UBE2K: variants seen among roughly 807,000 people sequenced by gnomAD.
UBE2K encodes the protein ubiquitin conjugating enzyme E2 K.
Under a neutral mutation model 30.0 loss-of-function variants are expected in UBE2K, and 6 were observed. That is an observed-to-expected ratio of 0.20 (90% CI 0.11 to 0.39). The LOEUF is 0.39. Ranked by LOEUF, UBE2K falls within the 10% of genes least tolerant of loss-of-function variation. The pLI is 1.00. For missense variants in UBE2K, 61 were observed against 241.6 expected (o/e 0.25, Z 4.96); for synonymous variants, 86 against 83.7 (o/e 1.03, Z -0.15).
chr4:39,733,491 C>G (rs1048456194), intron 1 of UBE2K, among the ~76,000 whole-genome samples: 12 of 151,978 alleles, frequency 7.9e-5, no homozygotes, highest in African/African-American at 2.9e-4. Context: ...TGTCAGCACA[C>G]CTGGCTAATT....
At chr4:39,703,349 T>C (rs1303381804) in intron 1 of UBE2K, among the ~76,000 whole-genome samples, 1 of 151,826 alleles carries the variant, frequency 6.6e-6, no homozygotes, top group Non-Finnish European at 1.5e-5. Context: ...TTGTTACTAC[T>C]AACATTTAAA....
intron 3 of UBE2K, among the ~76,000 whole-genome samples, chr4:39,746,155 G>C (rs945842401): frequency 6.6e-6 from 1 of 152,094 alleles, no homozygotes. Context: ...AAAGAAGTAT[G>C]TGTTTTAGGA....
rs556212270 is a variant in UBE2K at position 39,746,082 on chromosome 4, C to T, written c.216+272C>T. Among the ~76,000 whole-genome samples, 12 of 152,012 alleles carry T rather than the reference C, an allele frequency of 7.9e-5. No homozygotes were observed. The East Asian group carries it at 1.7e-3, about 22-fold the overall frequency. ...GGCTCATATACTAGATCTAGAAATA[C>T]GTGGCAGTGTTCCCAAATTTAGAGA... On this transcript the variant is annotated intron_variant, in intron 3 of 6. Coordinates refer to ENST00000261427, the MANE Select transcript of UBE2K (RefSeq NM_005339.5).
chr4:39,743,039 G>C (rs944671806), intron 2 of UBE2K, among the ~76,000 whole-genome samples: 2 of 146,972 alleles, frequency 1.4e-5, no homozygotes, highest in African/African-American at 2.5e-5. Context: ...GAACGACCCT[G>C]TCTCAGGAAA....
intron 2 of UBE2K, among the ~76,000 whole-genome samples, chr4:39,740,341 T>A (rs1029595760): frequency 3.3e-5 from 5 of 152,094 alleles, no homozygotes; most frequent in Non-Finnish European, 5.9e-5. Context: ...ATTAATTTTT[T>A]TAATTGGATA....
chr4:39,762,187 T>TAATAAG (rs1366031503), intron 4 of UBE2K, among the ~76,000 whole-genome samples: 1 of 148,146 alleles, frequency 6.8e-6, no homozygotes, highest in Non-Finnish European at 1.5e-5. Context: ...CTCAGTAAAA[T>TAATAAG]AATAATAATA....
At chr4:39,708,038 A>G (rs963901086) in intron 1 of UBE2K, among the ~76,000 whole-genome samples, 3 of 151,848 alleles carry the variant, frequency 2.0e-5, no homozygotes, top group Admixed American at 1.3e-4. Context: ...CTGGGATTAC[A>G]GGCATGCACC....
intron 1 of UBE2K, among the ~76,000 whole-genome samples, chr4:39,705,038 TG>T (rs796808238): frequency 5.5e-4 from 82 of 149,346 alleles, no homozygotes; most frequent in African/African-American, 1.7e-3. Flanking sequence ...GCATGGCTAA[TG>T]TTTTTTTTTG....
intron 4 of UBE2K, among the ~76,000 whole-genome samples, chr4:39,756,177 G>A (rs1721507552): frequency 6.6e-6 from 1 of 152,214 alleles, no homozygotes; most frequent in African/African-American, 2.4e-5. Context: ...ACCTTTGTAG[G>A]TGATGTCTTC....
At chr4:39,760,199 A>ACAGAAG (rs1711829364) in intron 4 of UBE2K, among the ~76,000 whole-genome samples, 1 of 148,754 alleles carries the variant, frequency 6.7e-6, no homozygotes, top group African/African-American at 2.5e-5. Flanking sequence ...AAAACAGAAA[A>ACAGAAG]AAAAAAAAAA....
intron 3 of UBE2K, 128 bp from the exon 4 acceptor site, chr4:39,755,529 C>G (rs1019470203): frequency 3.1e-6 from 2 of 652,794 alleles, no homozygotes; most frequent in East Asian, 2.9e-5. Flanking sequence ...CTTCTTTCAC[C>G]TAGGCAAAAT....
rs568570344 is a variant in UBE2K at position 39,733,997 on chromosome 4, AATT to A, written c.64-3422_64-3420del. ...ATTAAACTGTGGTGGTATAAAGAAT[AATT>A]GTTGCTTGATGGAAAATTGAGCTGT... On this transcript the variant is annotated intron_variant, in intron 1 of 6. Transcript: ENST00000261427. Among the ~76,000 whole-genome samples the A allele has an allele frequency of 7.6e-3, 1,160 of 152,254 alleles. 10 individuals carry two copies. The highest frequency in any genetic ancestry group is 0.02 in the Middle Eastern group (6 of 294).
rs1718408432 is a variant in UBE2K, at chr4:39,707,102, A to G, written c.63+8712A>G. 4.6e-5 allele frequency among the ~76,000 whole-genome samples: 7 copies of G among 151,356 alleles called. 1 individual carries two copies. In the South Asian group the frequency reaches 1.5e-3, roughly 32 times the overall value. On this transcript the variant is annotated intron_variant, in intron 1 of 6. Coordinates refer to ENST00000261427, the MANE Select transcript of UBE2K (RefSeq NM_005339.5). ...TTTTTGTATTTTTAGTAGAGACTGG[A>G]TTTCACCATGTTGACCAGGCTGGTC...
intron 1 of UBE2K, among the ~76,000 whole-genome samples, chr4:39,724,659 C>T (rs1282417082): frequency 4.1e-5 from 6 of 146,430 alleles, no homozygotes; most frequent in African/African-American, 1.5e-4. Context: ...GGCCCAGCTA[C>T]TTGGGGGGGC....
chr4:39,736,064 G>A lies in UBE2K; in HGVS notation c.64-1356G>A, dbSNP rs770427081. Among the ~76,000 whole-genome samples the A allele has an allele frequency of 3.3e-5, 5 of 151,318 alleles. 1 individual carries two copies. Among genetic ancestry groups the A allele is most frequent in the Non-Finnish European group, 7.4e-5 (5 of 67,934 alleles). On this transcript the variant is annotated intron_variant, in intron 1 of 6. Transcript: ENST00000261427. ...AGCCAAAGACAGTAATTCTTACACT[G>A]TTTCATCTAGTAATCAAGTTTAAGA...
At chr4:39,733,245 A>C (rs73240674) in intron 1 of UBE2K, among the ~76,000 whole-genome samples, 15,837 of 150,654 alleles carry the variant, frequency 0.11, 1,096 homozygotes, top group East Asian at 0.22. Flanking sequence ...ATAACACATT[A>C]TTTTATTATT....
chr4:39,765,938 TAC>T (rs1231753943), intron 4 of UBE2K, among the ~76,000 whole-genome samples: 30 of 149,382 alleles, frequency 2.0e-4, no homozygotes, highest in Non-Finnish European at 3.7e-4. Context: ...CATACATACA[TAC>T]ACACACACAC....
Position 39,755,768 on chromosome 4 carries a change from C to T in UBE2K, c.299+29C>T, listed in dbSNP as rs774972143. 1.2e-5 allele frequency: 18 copies of T among 1,486,680 alleles called. 1 individual carries two copies. In the South Asian group the frequency reaches 2.0e-4, roughly 17 times the overall value. The allele number at this position is 1,486,680 out of a possible 1,614,324, so 92.1% of individuals were successfully genotyped here. ...AGAGATTTTGAATTCACCTTCTCTC[C>T]TTCTCATATGAATACCAAGACTGTA... On this transcript the variant is annotated intron_variant, in intron 4 of 6. Coordinates refer to ENST00000261427, the MANE Select transcript of UBE2K (RefSeq NM_005339.5).
chr4:39,767,153 A>G (rs1445355411), intron 4 of UBE2K, among the ~76,000 whole-genome samples: 1 of 152,156 alleles, frequency 6.6e-6, no homozygotes, highest in East Asian at 1.9e-4. Flanking sequence ...TGCCAAATTC[A>G]GTGTCATGAA....
Sources: gnomAD v4.1 joint callset for allele counts (sites outside exome capture counted in the v4.1 genomes callset) on GRCh38, gnomAD v4.1.1 for gene constraint, MANE v1.5 for transcripts, NCBI Gene and HGNC (gene_info 2026-07-23, HGNC 2026-07-21) for gene names.